Variants in RARB observed in about 807,000 individuals in gnomAD.
RARB encodes HBV-activated protein.
In RARB, 17 loss-of-function variants were observed where a neutral mutation model predicts 51.9. The observed-to-expected ratio is 0.33, with a 90% confidence interval of 0.22 to 0.49. The LOEUF (loss-of-function observed/expected upper bound fraction) is 0.49, where lower values mean the gene tolerates loss of function less well. Ranked by LOEUF, RARB falls within the 20% of genes least tolerant of loss-of-function variation. The pLI is 0.99. For synonymous variants in RARB, 215 were observed against 195.4 expected, an observed-to-expected ratio of 1.10 and a Z score of -0.84; for missense variants, 369 against 550.8, an observed-to-expected ratio of 0.67 and a Z score of 3.30.
At chr3:24,899,995 G>C (rs551670258) in intron 2 of RARB, among the ~76,000 whole-genome samples, 1 of 152,036 alleles carries the variant, frequency 6.6e-6, no homozygotes, top group Non-Finnish European at 1.5e-5. Flanking sequence ...TACGATATAA[G>C]CATTTTTTCA....
chr3:25,204,736 G>C (rs753809211), intron 5 of RARB, among the ~76,000 whole-genome samples: 14 of 152,118 alleles, frequency 9.2e-5, no homozygotes, highest in Admixed American at 2.6e-4. Context: ...GCTGCAGAAC[G>C]GTGAATACTG....
At chr3:24,977,981 TA>T (rs1305775050) in intron 2 of RARB, among the ~76,000 whole-genome samples, 9 of 152,188 alleles carry the variant, frequency 5.9e-5, no homozygotes, top group Non-Finnish European at 1.0e-4. Flanking sequence ...TGAATTTTGT[TA>T]AAGGCCTTTT....
intron 2 of RARB, among the ~76,000 whole-genome samples, chr3:25,486,203 A>G (rs1696459740): frequency 6.6e-6 from 1 of 152,188 alleles, no homozygotes; most frequent in African/African-American, 2.4e-5. Flanking sequence ...CAAAAGGTAT[A>G]GAGCTAAGGC....
intron 5 of RARB, among the ~76,000 whole-genome samples, chr3:25,219,120 A>G (rs1426422611): frequency 6.6e-6 from 1 of 152,210 alleles, no homozygotes; most frequent in Non-Finnish European, 1.5e-5. Context: ...ATGGGGAACC[A>G]AAGACCCTTA....
chr3:25,023,735 C>T (rs1338987641), intron 2 of RARB, among the ~76,000 whole-genome samples: 1 of 152,180 alleles, frequency 6.6e-6, no homozygotes, highest in East Asian at 1.9e-4. Flanking sequence ...GTGGAAGTTT[C>T]TTCTGTGAGG....
chr3:25,124,550 G>T (rs957242972), intron 3 of RARB, among the ~76,000 whole-genome samples: 1 of 152,146 alleles, frequency 6.6e-6, no homozygotes, highest in Admixed American at 6.5e-5. Flanking sequence ...GGGCCTAATA[G>T]ATCGGTAGAG....
intron 1 of RARB, among the ~76,000 whole-genome samples, chr3:24,858,171 A>T (rs1311551585): frequency 2.6e-5 from 4 of 152,146 alleles, no homozygotes; most frequent in African/African-American, 4.8e-5. Flanking sequence ...CTCTCAGTAG[A>T]CCCTAGAACT....
At chr3:24,840,792 T>G (rs1203195746) in intron 1 of RARB, among the ~76,000 whole-genome samples, 1 of 134,556 alleles carries the variant, frequency 7.4e-6, no homozygotes, top group African/African-American at 2.8e-5. Flanking sequence ...GGAGCACAAA[T>G]GTAAAGATAA....
At chr3:25,388,851 T>TA (rs954424959) in intron 5 of RARB, among the ~76,000 whole-genome samples, 8 of 151,684 alleles carry the variant, frequency 5.3e-5, no homozygotes, top group Admixed American at 1.3e-4. Flanking sequence ...TTCTAGGTAT[T>TA]AAAAAAAAAT....
At chr3:24,937,981 G>A (rs987798417) in intron 2 of RARB, among the ~76,000 whole-genome samples, 4 of 152,166 alleles carry the variant, frequency 2.6e-5, no homozygotes, top group Admixed American at 2.6e-4. Flanking sequence ...TGACTCACTT[G>A]ATTCAGTACA....
chr3:25,262,214 C>G (rs6780105), intron 5 of RARB, among the ~76,000 whole-genome samples: 16,344 of 152,160 alleles, frequency 0.11, 1,127 homozygotes, highest in Non-Finnish European at 0.16. Flanking sequence ...TTTTTCCAAA[C>G]CAGAACCTGT....
chr3:24,963,889 A>G (rs1040855935), intron 2 of RARB, among the ~76,000 whole-genome samples: 1 of 151,930 alleles, frequency 6.6e-6, no homozygotes, highest in Admixed American at 6.6e-5. Flanking sequence ...GCATTTTGGT[A>G]GAAAAAAAAA....
intron 2 of RARB, among the ~76,000 whole-genome samples, chr3:25,011,216 A>G (rs779776807): frequency 2.0e-5 from 3 of 152,126 alleles, no homozygotes; most frequent in Non-Finnish European, 4.4e-5. Flanking sequence ...TAAAGGGAAT[A>G]AATGAGTGAA....
At chr3:24,881,571 T>G (rs968218545) in intron 2 of RARB, among the ~76,000 whole-genome samples, 1 of 152,186 alleles carries the variant, frequency 6.6e-6, no homozygotes, top group Admixed American at 6.5e-5. Context: ...CTTGAATATT[T>G]TCATAATGAA....
chr3:25,155,150 A>G (rs1700353779), intron 4 of RARB, among the ~76,000 whole-genome samples: 1 of 152,070 alleles, frequency 6.6e-6, no homozygotes, highest in Non-Finnish European at 1.5e-5. Flanking sequence ...TTGCTTCCCC[A>G]ATATATCTGT....
chr3:24,862,978 A>G (rs1005765728), intron 2 of RARB, among the ~76,000 whole-genome samples: 3 of 152,188 alleles, frequency 2.0e-5, no homozygotes, highest in Non-Finnish European at 4.4e-5. Flanking sequence ...AAGTACCAGG[A>G]GGACTTGGAT....
chr3:25,121,947 C>T (rs190644953), intron 3 of RARB, among the ~76,000 whole-genome samples: 1 of 152,226 alleles, frequency 6.6e-6, no homozygotes, highest in East Asian at 1.9e-4. Context: ...TATCTTAGTT[C>T]AGCCCTAAGA....
At chr3:24,955,524 C>T (rs1695994858) in intron 2 of RARB, among the ~76,000 whole-genome samples, 1 of 152,204 alleles carries the variant, frequency 6.6e-6, no homozygotes, top group South Asian at 2.1e-4. Flanking sequence ...TCCATATCAA[C>T]AGCGTAGGGG....
In RARB at chr3:25,549,600, G is replaced by A. The variant is rs970530229; in HGVS notation, c.449-20158G>A. 1.7e-4 allele frequency among the ~76,000 whole-genome samples: 26 copies of A among 152,102 alleles called. 1 individual carries two copies. The highest frequency in any genetic ancestry group is 5.6e-4 in the African/African-American group (23 of 41,416). ...CCCTCTGTACTGGGGGCTGATCAGA[G>A]CACACCTTGAAACATTAGTGCTTTT... is the stretch of plus-strand genomic sequence containing the variant. On this transcript the variant is annotated intron_variant, in intron 3 of 7. Transcript: ENST00000330688.
Sources: gnomAD v4.1 joint callset for allele counts (sites outside exome capture counted in the v4.1 genomes callset) on GRCh38, gnomAD v4.1.1 for gene constraint, MANE v1.5 for transcripts, NCBI Gene and HGNC (gene_info 2026-07-23, HGNC 2026-07-21) for gene names.